NLGN1: variants seen among roughly 807,000 people sequenced by gnomAD.
The protein encoded by NLGN1 is neuroligin 1, also known as neuroligin-1.
A neutral mutation model predicts 65.5 loss-of-function variants in NLGN1; 12 were observed. The ratio of observed to expected loss-of-function variants is 0.18; its 90% CI spans 0.12 to 0.30. The LOEUF (loss-of-function observed/expected upper bound fraction) is 0.30, where lower values mean the gene tolerates loss of function less well. NLGN1 is among the 10% of genes least tolerant of loss of function. The pLI is 1.00. For missense variants in NLGN1, 750 were observed against 1,007.1 expected (o/e 0.74, Z 3.46); for synonymous variants, 350 against 359.5 (o/e 0.97, Z 0.30).
chr3:173,874,882 T>A (rs753105112), intron 4 of NLGN1, among the ~76,000 whole-genome samples: 1 of 152,184 alleles, frequency 6.6e-6, no homozygotes, highest in Non-Finnish European at 1.5e-5. Context: ...GGAAGTAATC[T>A]GACATTAGGG....
chr3:173,517,749 T>TC (rs1342697659), intron 2 of NLGN1, among the ~76,000 whole-genome samples: 14 of 143,254 alleles, frequency 9.8e-5, no homozygotes, highest in East Asian at 2.0e-4. Flanking sequence ...CTTTCGCAAA[T>TC]TTATCTATCT....
intron 4 of NLGN1, among the ~76,000 whole-genome samples, chr3:174,265,918 A>G (rs1297027647): frequency 2.7e-5 from 4 of 147,320 alleles, no homozygotes; most frequent in Admixed American, 2.1e-4. Context: ...ATATATGTAT[A>G]TATGTATATA....
intron 4 of NLGN1, among the ~76,000 whole-genome samples, chr3:174,238,212 T>C (rs986277043): frequency 7.9e-5 from 12 of 152,210 alleles, no homozygotes; most frequent in Non-Finnish European, 5.9e-5. Context: ...TAATTTGTAC[T>C]TGCTAATTGC....
intron 3 of NLGN1, among the ~76,000 whole-genome samples, chr3:173,734,379 C>CAATTTTTTTTTTTTTT (rs1560261820): frequency 1.2e-4 from 7 of 59,046 alleles, no homozygotes; most frequent in African/African-American, 3.2e-4. Flanking sequence ...GTGGATAATT[C>CAATTTTTTTTTTTTTT]TATTTTTTTT....
chr3:173,492,463 G>A (rs1299653539), intron 2 of NLGN1, among the ~76,000 whole-genome samples: 7 of 151,628 alleles, frequency 4.6e-5, no homozygotes, highest in Admixed American at 4.6e-4. Flanking sequence ...CAATCAAGCT[G>A]TATTTGATTG....
At chr3:173,742,050 G>T (rs961905443) in intron 3 of NLGN1, among the ~76,000 whole-genome samples, 3 of 152,040 alleles carry the variant, frequency 2.0e-5, no homozygotes, top group Non-Finnish European at 4.4e-5. Context: ...AGTTCATTCT[G>T]TGATGTTCTC....
chr3:173,992,303 A>G (rs1721283542), intron 4 of NLGN1, among the ~76,000 whole-genome samples: 1 of 152,152 alleles, frequency 6.6e-6, no homozygotes, highest in Non-Finnish European at 1.5e-5. Context: ...TCTGGTAGTG[A>G]TCCACTAAAA....
At chr3:173,509,629 A>G (rs762858173) in intron 2 of NLGN1, among the ~76,000 whole-genome samples, 1 of 152,190 alleles carries the variant, frequency 6.6e-6, no homozygotes, top group Non-Finnish European at 1.5e-5. Context: ...CAGAAAATAA[A>G]TGAATAAATT....
chr3:174,086,991 G>A lies in NLGN1; in HGVS notation c.647-188324G>A, dbSNP rs553853778. Among the ~76,000 whole-genome samples the A allele has an allele frequency of 5.9e-5, 9 of 152,216 alleles. No homozygotes were observed. In the South Asian group the frequency reaches 8.3e-4, roughly 14 times the overall value. Reference sequence around the variant, plus strand: ...ACATAGACAAAACGTGGAGCTGGAGGCCATTATCCTTCGCAAACTAATACA... The same window carrying A: ...ACATAGACAAAACGTGGAGCTGGAGACCATTATCCTTCGCAAACTAATACA... On this transcript the variant is annotated intron_variant, in intron 4 of 6. Coordinates refer to ENST00000457714, the Ensembl canonical transcript of NLGN1.
intron 4 of NLGN1, among the ~76,000 whole-genome samples, chr3:174,108,521 G>GAA (rs138242939): frequency 6.6e-6 from 1 of 151,630 alleles, no homozygotes; most frequent in African/African-American, 2.4e-5. Flanking sequence ...AAGAGGTGAA[G>GAA]AAAAAAAATT....
At chr3:173,734,855 T>C (rs967403000) in intron 3 of NLGN1, among the ~76,000 whole-genome samples, 5 of 152,110 alleles carry the variant, frequency 3.3e-5, no homozygotes, top group Non-Finnish European at 7.4e-5. Context: ...GAACTCTGAC[T>C]CAAAGTGATC....
At chr3:174,227,616 A>T (rs1219399445) in intron 4 of NLGN1, among the ~76,000 whole-genome samples, 2 of 152,084 alleles carry the variant, frequency 1.3e-5, no homozygotes, top group East Asian at 3.8e-4. Context: ...GGCCCTCATA[A>T]TTTATCTAAT....
intron 2 of NLGN1, among the ~76,000 whole-genome samples, chr3:173,482,745 C>T (rs562152596): frequency 4.6e-5 from 7 of 151,954 alleles, no homozygotes; most frequent in African/African-American, 1.4e-4. Context: ...GAAAAGCAGT[C>T]TAATGAGAGC....
At chr3:173,685,832 C>G in intron 3 of NLGN1, 1 of 975,218 alleles carries the variant, frequency 1.0e-6, no homozygotes, top group Non-Finnish European at 1.2e-6. Context: ...ATGGAGATAT[C>G]ATTTACTATT....
At chr3:173,828,591 A>G (rs1162823589) in intron 4 of NLGN1, among the ~76,000 whole-genome samples, 3 of 152,176 alleles carry the variant, frequency 2.0e-5, no homozygotes, top group Non-Finnish European at 2.9e-5. Flanking sequence ...ATAAGTAAAT[A>G]AAATACAAAG....
intron 3 of NLGN1, among the ~76,000 whole-genome samples, chr3:173,681,565 C>G (rs914499545): frequency 1.3e-5 from 2 of 152,168 alleles, no homozygotes; most frequent in Non-Finnish European, 2.9e-5. Flanking sequence ...ACTCCCTACC[C>G]CTCAGGGAGA....
At chr3:173,549,221 A>G (rs1267037607) in intron 2 of NLGN1, among the ~76,000 whole-genome samples, 1 of 152,028 alleles carries the variant, frequency 6.6e-6, no homozygotes, top group South Asian at 2.1e-4. Context: ...GAGAGTATCA[A>G]GATTTTTCTT....
intron 4 of NLGN1, among the ~76,000 whole-genome samples, chr3:173,904,521 TC>T (rs1737984916): frequency 2.6e-5 from 4 of 152,042 alleles, no homozygotes; most frequent in African/African-American, 7.2e-5. Flanking sequence ...TTTTTTTTTT[TC>T]ATTTAGTTTC....
intron 2 of NLGN1, among the ~76,000 whole-genome samples, chr3:173,468,424 A>C (rs1576835772): frequency 6.6e-6 from 1 of 152,098 alleles, no homozygotes; most frequent in Admixed American, 6.6e-5. Context: ...AGTTAAGCTT[A>C]GAAACTTTAA....
Sources: gnomAD v4.1 joint callset for allele counts (sites outside exome capture counted in the v4.1 genomes callset) on GRCh38, gnomAD v4.1.1 for gene constraint, MANE v1.5 for transcripts, NCBI Gene and HGNC (gene_info 2026-07-23, HGNC 2026-07-21) for gene names.